Variants in FHIT observed in about 807,000 individuals in gnomAD.
The protein encoded by FHIT is fragile histidine triad diadenosine triphosphatase, also known as bis(5'-adenosyl)-triphosphatase.
A neutral mutation model predicts 17.9 loss-of-function variants in FHIT; 19 were observed. The observed-to-expected ratio is 1.06, with a 90% CI of 0.74 to 1.56. FHIT has a LOEUF of 1.56. Ranked by LOEUF, FHIT falls within the 40% of genes most tolerant of loss-of-function variation. The pLI is 0.00. For synonymous variants in FHIT, 81 were observed against 69.7 expected, an observed-to-expected ratio of 1.16 and a Z score of -0.81; for missense variants, 248 against 189.2, an observed-to-expected ratio of 1.31 and a Z score of -1.82.
intron 4 of FHIT, among the ~76,000 whole-genome samples, chr3:60,545,883 A>C (rs1216990897): frequency 6.6e-6 from 1 of 152,050 alleles, no homozygotes; most frequent in Admixed American, 6.5e-5. Flanking sequence ...TCATTGCTTC[A>C]TTGGTTTCTG....
chr3:60,110,654 C>T (rs564111978), intron 5 of FHIT, among the ~76,000 whole-genome samples: 1 of 152,272 alleles, frequency 6.6e-6, no homozygotes, highest in Non-Finnish European at 1.5e-5. Flanking sequence ...AACATGACTT[C>T]ATAGAGGTGT....
chr3:59,763,649 T>TATCA (rs1208118829), intron 8 of FHIT, among the ~76,000 whole-genome samples: 1 of 152,222 alleles, frequency 6.6e-6, no homozygotes, highest in East Asian at 1.9e-4. Context: ...AGTAATCATC[T>TATCA]ATCACTGCCT....
chr3:59,869,080 A>G (rs1702790115), intron 8 of FHIT, among the ~76,000 whole-genome samples: 2 of 152,206 alleles, frequency 1.3e-5, no homozygotes, highest in African/African-American at 4.8e-5. Context: ...TTTAGTGAAA[A>G]TGAAGCACTA....
rs1204847021 is a variant in FHIT, at chr3:60,470,048, C to CTCCTA, written c.103+66811_103+66812insTAGGA. 1.5e-4 allele frequency among the ~76,000 whole-genome samples: 21 copies of CTCCTA among 142,796 alleles called. No individual in the cohort carries two copies. In the East Asian group the frequency reaches 3.6e-3, roughly 25 times the overall value. The allele number at this position is 142,796 out of a possible 152,430, so 93.7% of individuals were successfully genotyped here. ...TCTCTCTGTCTCTCTCCCCTCTCCT[C>CTCCTA]TCTCTTTCTTTCTCTCTCTCTCTCT... On this transcript the variant is annotated intron_variant, in intron 5 of 9. Coordinates refer to ENST00000492590, the MANE Select transcript of FHIT (RefSeq NM_002012.4).
At chr3:60,826,112 C>T (rs73109699) in intron 3 of FHIT, among the ~76,000 whole-genome samples, 1 of 143,524 alleles carries the variant, frequency 7.0e-6, no homozygotes, top group African/African-American at 2.6e-5. Context: ...TTGTTTTCTG[C>T]GAGTAAAGAA....
chr3:60,284,251 T>G (rs1323627831), intron 5 of FHIT, among the ~76,000 whole-genome samples: 1 of 152,156 alleles, frequency 6.6e-6, no homozygotes, highest in Non-Finnish European at 1.5e-5. Context: ...TTAAGAATCG[T>G]AACAGTACAA....
intron 2 of FHIT, among the ~76,000 whole-genome samples, chr3:61,133,030 G>C (rs2036810308): frequency 6.6e-6 from 1 of 152,178 alleles, no homozygotes; most frequent in South Asian, 2.1e-4. Flanking sequence ...GGCGACTATA[G>C]TGCATAGTGA....
intron 5 of FHIT, among the ~76,000 whole-genome samples, chr3:60,422,970 C>T (rs547951647): frequency 3.3e-5 from 5 of 152,118 alleles, no homozygotes; most frequent in Non-Finnish European, 2.9e-5. Flanking sequence ...GATACTCTAC[C>T]TACACTTGTA....
At chr3:60,782,647 C>G (rs1700432900) in intron 4 of FHIT, among the ~76,000 whole-genome samples, 4 of 152,114 alleles carry the variant, frequency 2.6e-5, no homozygotes, top group Non-Finnish European at 5.9e-5. Flanking sequence ...CCCCTGTGGG[C>G]CTGTCTTATT....
intron 1 of FHIT, among the ~76,000 whole-genome samples, chr3:61,211,768 G>C (rs868383785): frequency 6.6e-6 from 1 of 152,296 alleles, no homozygotes; most frequent in South Asian, 2.1e-4. Flanking sequence ...AGTAGGGGCT[G>C]ACTGACACCT....
chr3:60,557,101 C>T (rs1195253496), intron 4 of FHIT, among the ~76,000 whole-genome samples: 1 of 152,210 alleles, frequency 6.6e-6, no homozygotes, highest in Non-Finnish European at 1.5e-5. Context: ...AGACATTATG[C>T]TATAAATGCT....
At chr3:61,035,296 T>A (rs1026975397) in intron 3 of FHIT, among the ~76,000 whole-genome samples, 3 of 152,210 alleles carry the variant, frequency 2.0e-5, no homozygotes, top group African/African-American at 7.2e-5. Flanking sequence ...ATGACTCTTA[T>A]CTTAATAAAT....
chr3:61,240,053 A>G (rs2040336840), intron 1 of FHIT, among the ~76,000 whole-genome samples: 1 of 152,054 alleles, frequency 6.6e-6, no homozygotes, highest in Non-Finnish European at 1.5e-5. Flanking sequence ...AGGCCAGGGA[A>G]ACCTTGGCCT....
At chr3:60,067,397 T>C (rs927025948) in intron 5 of FHIT, among the ~76,000 whole-genome samples, 2 of 152,180 alleles carry the variant, frequency 1.3e-5, no homozygotes, top group African/African-American at 4.8e-5. Context: ...TGAATGAATA[T>C]ATATCCTTTC....
At chr3:60,029,366 C>T (rs1275206733) in intron 5 of FHIT, among the ~76,000 whole-genome samples, 1 of 152,104 alleles carries the variant, frequency 6.6e-6, no homozygotes, top group African/African-American at 2.4e-5. Flanking sequence ...GCAAATAAAA[C>T]ATATAGGTAA....
chr3:60,100,383 C>CA lies in FHIT; in HGVS notation c.104-86232dup, dbSNP rs532822371. Among the ~76,000 whole-genome samples, 1,174 of 147,358 alleles carry CA rather than the reference C, an allele frequency of 8.0e-3. 9 individuals are homozygous for CA. Among genetic ancestry groups the CA allele is most frequent in the Non-Finnish European group, 0.012 (791 of 66,646 alleles). On this transcript the variant is annotated intron_variant, in intron 5 of 9. Coordinates refer to ENST00000492590, the MANE Select transcript of FHIT (RefSeq NM_002012.4). ...TGGGCAACAGAGCAAGACTCTGCCT[C>CA]AAAAAAAAAAATTGTGATTTTTTGA...
chr3:60,320,912 C>G (rs562464838), intron 5 of FHIT, among the ~76,000 whole-genome samples: 1 of 152,130 alleles, frequency 6.6e-6, no homozygotes, highest in Non-Finnish European at 1.5e-5. Context: ...GTAATGATCA[C>G]TATTTAACTA....
intron 8 of FHIT, among the ~76,000 whole-genome samples, chr3:59,798,960 C>A (rs987498786): frequency 9.9e-5 from 15 of 152,202 alleles, no homozygotes; most frequent in African/African-American, 3.4e-4. Context: ...TGCTAACCTC[C>A]AGCCACGTTG....
At chr3:59,918,389 G>A (rs1383633698) in intron 8 of FHIT, among the ~76,000 whole-genome samples, 1 of 152,110 alleles carries the variant, frequency 6.6e-6, no homozygotes, top group Non-Finnish European at 1.5e-5. Context: ...AATAGGTATG[G>A]CGATATAGTA....
Sources: allele counts gnomAD v4.1 joint callset (sites outside exome capture counted in the v4.1 genomes callset), GRCh38; gene constraint gnomAD v4.1.1; transcripts MANE v1.5; gene names NCBI Gene and HGNC (gene_info 2026-07-23, HGNC 2026-07-21).